Variants in CACNB4 observed in about 807,000 individuals in gnomAD.
CACNB4 encodes voltage-dependent L-type calcium channel subunit beta-4.
Under a neutral mutation model 71.2 loss-of-function variants are expected in CACNB4, and 32 were observed. The ratio of observed to expected loss-of-function variants is 0.45; its 90% CI spans 0.34 to 0.60. CACNB4 has a LOEUF of 0.60. CACNB4 is among the 20% of genes least tolerant of loss of function. CACNB4 has a pLI of 0.01. For synonymous variants in CACNB4, 231 were observed against 236.9 expected (o/e 0.97, Z 0.23); for missense variants, 464 against 647.9 (o/e 0.72, Z 3.08).
At chr2:151,931,924 A>C (rs1349114917) in intron 2 of CACNB4, among the ~76,000 whole-genome samples, 1 of 152,202 alleles carries the variant, frequency 6.6e-6, no homozygotes, top group Non-Finnish European at 1.5e-5. Flanking sequence ...CCCTCTATTG[A>C]TGTGGAAGCA....
Position 151,924,073 on chromosome 2 carries a change from C to CTTTTTTTT in CACNB4, c.148-40711_148-40704dup, listed in dbSNP as rs59036016. Among the ~76,000 whole-genome samples the CTTTTTTTT allele has an allele frequency of 3.3e-4, 30 of 91,448 alleles. 1 individual carries two copies. The highest frequency in any genetic ancestry group is 5.1e-4 in the South Asian group (1 of 1,974). The allele number at this position is 91,448 out of a possible 152,430, so 60.0% of individuals were successfully genotyped here. On this transcript the variant is annotated intron_variant, in intron 2 of 13. Coordinates refer to ENST00000539935, the MANE Select transcript of CACNB4 (RefSeq NM_000726.5). Reference sequence around the variant, plus strand: ...ACGTGCGTGTAATCTATTCTGAAATCTTTTTTTTTTTTTTTTTTTTTTTGA... The same window carrying CTTTTTTTT: ...ACGTGCGTGTAATCTATTCTGAAATCTTTTTTTTTTTTTTTTTTTTTTTTTTTTTTTGA...
chr2:151,914,066 T>C (rs2099856889), intron 2 of CACNB4, among the ~76,000 whole-genome samples: 1 of 152,228 alleles, frequency 6.6e-6, no homozygotes, highest in African/African-American at 2.4e-5. Context: ...ACCTGAAGTG[T>C]GTTTTCCAGC....
At chr2:151,845,117 C>T (rs751202442) in intron 12 of CACNB4, among the ~76,000 whole-genome samples, 5 of 152,120 alleles carry the variant, frequency 3.3e-5, no homozygotes, top group South Asian at 2.1e-4. Flanking sequence ...TACATTGTCA[C>T]GGTTGTAGAC....
intron 2 of CACNB4, among the ~76,000 whole-genome samples, chr2:151,988,803 C>T (rs527807606): frequency 1.3e-5 from 2 of 152,304 alleles, no homozygotes; most frequent in African/African-American, 2.4e-5. Flanking sequence ...CCACCTCCCA[C>T]TACCATCACT....
At chr2:152,093,400 G>GGGGT (rs1553838672) in intron 2 of CACNB4, among the ~76,000 whole-genome samples, 1 of 146,558 alleles carries the variant, frequency 6.8e-6, no homozygotes, top group African/African-American at 2.5e-5. Flanking sequence ...GCTGTTTTTT[G>GGGGT]GTGTGTGTGT....
In CACNB4 at chr2:151,842,320, CTTTTTT is replaced by C. The variant is rs35662354; in HGVS notation, c.1117-238_1117-233del. ...GAAAGTGTTCATTCAATATTTGGAT[CTTTTTT>C]TTTTTTTTTTTTTTTTTTTTTTAAG... On this transcript the variant is annotated intron_variant, in intron 12 of 13. Transcript: ENST00000539935. Among the ~76,000 whole-genome samples the C allele has an allele frequency of 1.0e-3, 71 of 67,726 alleles. 1 individual carries two copies. The highest frequency in any genetic ancestry group is 6.0e-4 in the Non-Finnish European group (23 of 38,144). The allele number at this position is 67,726 out of a possible 152,430, so 44.4% of individuals were successfully genotyped here.
intron 2 of CACNB4, among the ~76,000 whole-genome samples, chr2:151,932,783 T>C (rs912172410): frequency 3.4e-5 from 5 of 145,844 alleles, no homozygotes; most frequent in Non-Finnish European, 5.9e-5. Flanking sequence ...TGAGCTGAGA[T>C]TGCACCATTG....
At chr2:151,880,059 T>C (rs2099847437) in intron 4 of CACNB4, 2 of 152,200 alleles carry the variant, frequency 1.3e-5, no homozygotes, top group South Asian at 4.1e-4. Flanking sequence ...TCTTGTCTTC[T>C]AGACAAATGT....
intron 2 of CACNB4, among the ~76,000 whole-genome samples, chr2:151,960,882 C>G (rs2099869482): frequency 2.0e-5 from 3 of 152,198 alleles, no homozygotes; most frequent in Admixed American, 2.0e-4. Flanking sequence ...AAGTATAACA[C>G]ATGTATAGAA....
At chr2:152,018,258 T>C (rs1683458669) in intron 2 of CACNB4, among the ~76,000 whole-genome samples, 1 of 151,650 alleles carries the variant, frequency 6.6e-6, no homozygotes, top group South Asian at 2.1e-4. Context: ...CAGCCAGCAA[T>C]GAAAGAAAGC....
At position 151,860,727 on chromosome 2, in the gene CACNB4, G is replaced by A. The variant is rs1002230640; in HGVS notation, c.852C>T (p.Asn284=). The A allele has an allele frequency of 6.2e-7, 1 of 1,611,824 alleles. No individual in the cohort carries two copies. The highest frequency in any genetic ancestry group is 8.5e-7 in the Non-Finnish European group (1 of 1,177,928). The change falls in exon 10 of 14, where the codon AAC becomes AAT. Residue 284 remains asparagine, a synonymous_variant. Transcript: ENST00000539935. ...ACATCTTACCTAAGCTGGACCGGGT[G>A]TTCGAACGTTCAATTATTGCTCTCT... ...PSKRAIIERS[N]TRSSLAEVQS...
rs540661201 is a variant in CACNB4, at chr2:152,088,730, C to T, written c.147+9600G>A. On this transcript the variant is annotated intron_variant, in intron 2 of 13. Coordinates refer to ENST00000539935, the MANE Select transcript of CACNB4 (RefSeq NM_000726.5). ...CCTTACCTAACTAATGCTTTCAGAT[C>T]GTGAATGCCATCCCTTCAGATTCAA... is the stretch of plus-strand genomic sequence containing the variant. Among the ~76,000 whole-genome samples, 16 of 152,308 alleles carry T rather than the reference C, an allele frequency of 1.1e-4. No individual in the cohort carries two copies. In the East Asian group the frequency reaches 2.7e-3, roughly 26 times the overall value.
chr2:152,055,722 T>A (rs553646782), intron 2 of CACNB4, among the ~76,000 whole-genome samples: 11 of 152,264 alleles, frequency 7.2e-5, no homozygotes, highest in African/African-American at 2.2e-4. Context: ...TGAAGGCTGA[T>A]TTCCCCCCTG....
At chr2:151,948,940 T>G (rs2099866237) in intron 2 of CACNB4, among the ~76,000 whole-genome samples, 1 of 152,124 alleles carries the variant, frequency 6.6e-6, no homozygotes, top group Admixed American at 6.6e-5. Flanking sequence ...GTACATTTGT[T>G]TAAAGGTAGA....
chr2:152,033,268 G>A (rs1171079553), intron 2 of CACNB4, among the ~76,000 whole-genome samples: 2 of 152,244 alleles, frequency 1.3e-5, no homozygotes, highest in East Asian at 1.9e-4. Context: ...ACTTGCTGAA[G>A]CAAATGAAAT....
intron 2 of CACNB4, among the ~76,000 whole-genome samples, chr2:152,016,530 A>T (rs1390783800): frequency 6.6e-6 from 1 of 152,228 alleles, no homozygotes; most frequent in Non-Finnish European, 1.5e-5. Flanking sequence ...GTTTGAGGCT[A>T]AACCAATCTA....
At chr2:151,952,377 T>C (rs1451471522) in intron 2 of CACNB4, among the ~76,000 whole-genome samples, 2 of 152,194 alleles carry the variant, frequency 1.3e-5, no homozygotes, top group Non-Finnish European at 2.9e-5. Context: ...TACTCTTTGA[T>C]AGCTCTAAGA....
chr2:152,053,583 G>C lies in CACNB4; in HGVS notation c.147+44747C>G, dbSNP rs574761741. On this transcript the variant is annotated intron_variant, in intron 2 of 13. Coordinates refer to ENST00000539935, the MANE Select transcript of CACNB4 (RefSeq NM_000726.5). ...CTGCCACCCAGGCTAGAGTGCAGTG[G>C]TGTGATCACAGCTCACTGCAGCCTC... is the stretch of plus-strand genomic sequence containing the variant. 2.7e-5 allele frequency among the ~76,000 whole-genome samples: 4 copies of C among 150,500 alleles called. No homozygotes were observed. In the East Asian group the frequency reaches 5.8e-4, roughly 22 times the overall value.
intron 2 of CACNB4, among the ~76,000 whole-genome samples, chr2:152,040,675 A>C (rs1274912565): frequency 1.3e-5 from 2 of 152,200 alleles, no homozygotes; most frequent in African/African-American, 4.8e-5. Context: ...TCCTGACCTC[A>C]GGTGATACAC....
Sources: allele counts gnomAD v4.1 joint callset (sites outside exome capture counted in the v4.1 genomes callset), GRCh38; gene constraint gnomAD v4.1.1; transcripts MANE v1.5; gene names NCBI Gene and HGNC (gene_info 2026-07-23, HGNC 2026-07-21).